JHY: variants seen among roughly 807,000 people sequenced by gnomAD.
JHY encodes the protein jhy protein homolog.
JHY carries 69 observed loss-of-function variants against 78.0 expected under a neutral mutation model. The ratio of observed to expected loss-of-function variants is 0.88; its 90% CI spans 0.73 to 1.08. The LOEUF (loss-of-function observed/expected upper bound fraction) is 1.08, where lower values mean the gene tolerates loss of function less well. Ranked by LOEUF, JHY falls within the 50% of genes least tolerant of loss-of-function variation. The probability of loss-of-function intolerance (pLI) is 0.00; values close to 1 mark genes in which losing one functional copy is unlikely to be tolerated. For synonymous variants in JHY, 368 were observed against 342.6 expected (o/e 1.07, Z -0.82); for missense variants, 944 against 927.8 (o/e 1.02, Z -0.23).
At chr11:122,909,513 T>C (rs937147318) in intron 3 of JHY, among the ~76,000 whole-genome samples, 1 of 152,074 alleles carries the variant, frequency 6.6e-6, no homozygotes, top group Non-Finnish European at 1.5e-5. Context: ...AATAAATGAG[T>C]TAGGCCACGT....
chr11:122,896,481 GA>G (rs1284504343), intron 2 of JHY, among the ~76,000 whole-genome samples: 2 of 151,778 alleles, frequency 1.3e-5, no homozygotes, highest in Non-Finnish European at 2.9e-5. Flanking sequence ...TTCATCATGT[GA>G]AAGTACTTAC....
intron 3 of JHY, among the ~76,000 whole-genome samples, chr11:122,904,699 C>G (rs1415612650): frequency 6.6e-6 from 1 of 152,168 alleles, no homozygotes; most frequent in East Asian, 1.9e-4. Context: ...ATTATTATAT[C>G]CAAAATTGCT....
intron 5 of JHY, among the ~76,000 whole-genome samples, chr11:122,937,201 C>G (rs1011883459): frequency 6.7e-6 from 1 of 149,526 alleles, no homozygotes; most frequent in African/African-American, 2.5e-5. Context: ...TAATATTATT[C>G]CACCTTTATT....
intron 3 of JHY, chr11:122,905,311 G>A: frequency 1.2e-6 from 2 of 1,602,516 alleles, no homozygotes; most frequent in Non-Finnish European, 1.7e-6. Flanking sequence ...CAGGACAAGA[G>A]TGGGGTTAGA....
intron 5 of JHY, among the ~76,000 whole-genome samples, chr11:122,942,546 C>T (rs1007485902): frequency 6.6e-6 from 1 of 152,092 alleles, no homozygotes; most frequent in African/African-American, 2.4e-5. Flanking sequence ...GCCTCAGCCT[C>T]CCAAGTAGCT....
At chr11:122,897,671 T>C (rs1862765925) in intron 2 of JHY, among the ~76,000 whole-genome samples, 2 of 152,226 alleles carry the variant, frequency 1.3e-5, no homozygotes, top group African/African-American at 2.4e-5. Context: ...TGCTCTGCTG[T>C]ACCATTTCTC....
Position 122,939,043 on chromosome 11 carries a change from A to G in JHY, c.1634+3968A>G, listed in dbSNP as rs1277977626. ...TCACTCTGTTGCCAGGCTGGAGTGCAGTGGCACGATCTCAGCTCACTGCAA... is the reference window on the plus strand; with the variant it reads ...TCACTCTGTTGCCAGGCTGGAGTGCGGTGGCACGATCTCAGCTCACTGCAA... On this transcript the variant is annotated intron_variant, in intron 5 of 8. Transcript: ENST00000227349. 3.4e-5 allele frequency among the ~76,000 whole-genome samples: 5 copies of G among 147,506 alleles called. No individual in the cohort carries two copies. The East Asian group carries it at 1.0e-3, about 29-fold the overall frequency.
intron 4 of JHY, among the ~76,000 whole-genome samples, chr11:122,933,279 C>G (rs1360193918): frequency 6.6e-6 from 1 of 152,072 alleles, no homozygotes; most frequent in South Asian, 2.1e-4. Flanking sequence ...TAGATAAAAG[C>G]TAAAGAGATT....
chr11:122,914,548 G>T (rs1003043225), intron 3 of JHY, among the ~76,000 whole-genome samples: 1 of 151,992 alleles, frequency 6.6e-6, no homozygotes, highest in Non-Finnish European at 1.5e-5. Flanking sequence ...TGGTTCAAGC[G>T]ATTCTCCTGC....
intron 5 of JHY, among the ~76,000 whole-genome samples, chr11:122,939,195 C>T (rs1427995617): frequency 6.6e-6 from 1 of 151,976 alleles, no homozygotes; most frequent in Non-Finnish European, 1.5e-5. Flanking sequence ...ACCATGTTGG[C>T]CAGGATGGTC....
At chr11:122,939,145 G>A (rs375399223) in intron 5 of JHY, among the ~76,000 whole-genome samples, 1 of 151,814 alleles carries the variant, frequency 6.6e-6, no homozygotes, top group Non-Finnish European at 1.5e-5. Context: ...CCATCACCAC[G>A]CCTGGCTAGT....
At chr11:122,920,484 T>A (rs1456298211) in intron 3 of JHY, among the ~76,000 whole-genome samples, 3 of 152,154 alleles carry the variant, frequency 2.0e-5, no homozygotes, top group African/African-American at 7.2e-5. Context: ...AACGGTAACA[T>A]CCTTATTTAA....
At chr11:122,928,949 A>AT (rs1565325703) in intron 4 of JHY, among the ~76,000 whole-genome samples, 1 of 141,356 alleles carries the variant, frequency 7.1e-6, no homozygotes, top group African/African-American at 2.7e-5. Flanking sequence ...CGCCTGGCCC[A>AT]TTTTTTCTTT....
intron 3 of JHY, among the ~76,000 whole-genome samples, chr11:122,907,303 C>A (rs529816093): frequency 6.6e-6 from 1 of 151,808 alleles, no homozygotes; most frequent in Non-Finnish European, 1.5e-5. Flanking sequence ...TCTCTCCTCC[C>A]GATACAGATT....
intron 4 of JHY, among the ~76,000 whole-genome samples, chr11:122,930,938 A>G (rs1352071246): frequency 6.6e-6 from 1 of 152,156 alleles, no homozygotes; most frequent in East Asian, 1.9e-4. Flanking sequence ...CAAGGTCAGG[A>G]CACTGGCAGT....
chr11:122,887,175 C>A (rs1465134288), intron 2 of JHY, among the ~76,000 whole-genome samples: 1 of 152,132 alleles, frequency 6.6e-6, no homozygotes, highest in African/African-American at 2.4e-5. Context: ...TAACCTTGGC[C>A]AAGTCCAATT....
chr11:122,946,996 C>G, intron 6 of JHY: 1 of 527,314 alleles, frequency 1.9e-6, no homozygotes, highest in Non-Finnish European at 3.2e-6. Context: ...TTGTTGCTGC[C>G]AGGGATGCCC....
chr11:122,901,863 ACT>A (rs1288901361), intron 2 of JHY, among the ~76,000 whole-genome samples: 2 of 150,404 alleles, frequency 1.3e-5, no homozygotes, highest in African/African-American at 4.9e-5. Context: ...AAAGAGCGAG[ACT>A]CTGTCTCAAA....
At chr11:122,930,678 A>G (rs762747904) in intron 4 of JHY, among the ~76,000 whole-genome samples, 3 of 152,146 alleles carry the variant, frequency 2.0e-5, no homozygotes, top group Non-Finnish European at 4.4e-5. Context: ...TAGCGTCCTG[A>G]ATCGCTTCGC....
Sources: gnomAD v4.1 joint callset for allele counts (sites outside exome capture counted in the v4.1 genomes callset) on GRCh38, gnomAD v4.1.1 for gene constraint, MANE v1.5 for transcripts, NCBI Gene and HGNC (gene_info 2026-07-23, HGNC 2026-07-21) for gene names.